UBA6: variants seen among roughly 807,000 people sequenced by gnomAD.
UBA6 encodes ubiquitin-like modifier-activating enzyme 6.
A neutral mutation model predicts 148.3 loss-of-function variants in UBA6; 87 were observed. The ratio of observed to expected loss-of-function variants is 0.59; its 90% CI spans 0.49 to 0.70. UBA6 has a LOEUF of 0.70. UBA6 is among the 30% of genes least tolerant of loss of function. UBA6 has a pLI of 0.00. For synonymous variants in UBA6, 376 were observed against 401.0 expected (o/e 0.94, Z 0.75); for missense variants, 1,186 against 1,241.2 (o/e 0.96, Z 0.67).
intron 2 of UBA6, among the ~76,000 whole-genome samples, chr4:67,683,951 C>A (rs1408776812): frequency 6.6e-6 from 1 of 152,042 alleles, no homozygotes; most frequent in Non-Finnish European, 1.5e-5. Context: ...TGGGTGCCTG[C>A]AGTTAAGTCC....
rs1266292859 is a variant in UBA6 at position 67,639,110 on chromosome 4, G to A, written c.1569C>T (p.Tyr523=). Residue 523 remains tyrosine (Y), a synonymous_variant, in exon 19 of 33, where the codon TAC becomes TAT. Transcript: ENST00000322244. The part of the protein sequence containing the change: ...RPHHIQKPKS[Y]TAADATLKIN... ...TTTTCAGAGTAGCATCAGCAGCAGT[G>A]TAGCTTTTAGGTTTCTAAACAAATA... 1 of 1,611,136 alleles carries A rather than the reference G, an allele frequency of 6.2e-7. No homozygotes were observed. Among genetic ancestry groups the A allele is most frequent in the East Asian group, 2.2e-5 (1 of 44,780 alleles).
In UBA6 at chr4:67,664,927, G is replaced by C. The variant is rs779810305; in HGVS notation, c.897+262C>G. Among the ~76,000 whole-genome samples the C allele has an allele frequency of 3.4e-4, 52 of 151,966 alleles. 1 individual carries two copies. Among genetic ancestry groups the C allele is most frequent in the Admixed American group, 3.0e-3 (45 of 15,250 alleles). ...AATTCACAAAGATACAGTTCCTTTC[G>C]GGTATACCCATTTAGCTCAACTATA... On this transcript the variant is annotated intron_variant, in intron 10 of 32. Coordinates refer to ENST00000322244, the MANE Select transcript of UBA6 (RefSeq NM_018227.6).
intron 14 of UBA6, 69 bp downstream of exon 14, chr4:67,648,999 C>A: frequency 4.0e-6 from 6 of 1,486,030 alleles, no homozygotes; most frequent in Non-Finnish European, 1.8e-6. Context: ...TATATTAATA[C>A]TACATTATAA....
At chr4:67,636,075 A>C (rs973340388) in intron 19 of UBA6, among the ~76,000 whole-genome samples, 18 of 152,140 alleles carry the variant, frequency 1.2e-4, no homozygotes, top group African/African-American at 4.3e-4. Flanking sequence ...CCTAACATTG[A>C]GGAGTCATAT....
In UBA6 at chr4:67,677,664, A is replaced by G. The variant is rs1227646035; in HGVS notation, c.412T>C (p.Ser138Pro). ...ELNPYVHVTS[S>P]SVPFNETTDL... ...GTGGTCTCATTGAAAGGAACAGAAGATGATGTGACATGAACGTATGGATTT... is the reference window on the plus strand; with the variant it reads ...GTGGTCTCATTGAAAGGAACAGAAGGTGATGTGACATGAACGTATGGATTT... The change falls in exon 6 of 33, where the codon TCT becomes CCT. Residue 138 changes from serine (S) to proline (P), a missense_variant. Coordinates refer to ENST00000322244, the MANE Select transcript of UBA6 (RefSeq NM_018227.6). The G allele has an allele frequency of 1.9e-6, 3 of 1,608,310 alleles. No individual in the cohort carries two copies. Among genetic ancestry groups the G allele is most frequent in the Non-Finnish European group, 2.6e-6 (3 of 1,175,778 alleles).
rs1478984859 is a variant in UBA6, at chr4:67,629,023, G to A, written c.2400+48C>T. The A allele has an allele frequency of 3.0e-6, 4 of 1,341,734 alleles. No homozygotes were observed. In the South Asian group the frequency reaches 4.7e-5, roughly 16 times the overall value. The allele number at this position is 1,341,734 out of a possible 1,614,324, so 83.1% of individuals were successfully genotyped here. A position where few individuals can be genotyped will look rare whatever the true frequency, so the allele number is the denominator to read the frequency against. ...AGGTTTAGAATGGGACTTGGTACAA[G>A]TCCAAATTCCCAAACTATTTGCTGA... On this transcript the variant is annotated intron_variant, in intron 27 of 32. Transcript: ENST00000322244.
rs182938311 is a variant in UBA6, at chr4:67,675,058, C to T, written c.466-1281G>A. The stretch of plus-strand genomic sequence containing the variant: ...CTAATTTTTGTATTTTTAGTAGAGA[C>T]GGGGTTTCGCCATGCTGGCCAGGCT... On this transcript the variant is annotated intron_variant, in intron 6 of 32. Transcript: ENST00000322244. Among the ~76,000 whole-genome samples, 1,102 of 152,222 alleles carry T rather than the reference C, an allele frequency of 7.2e-3. 6 individuals carry two copies. The highest frequency in any genetic ancestry group is 0.012 in the Non-Finnish European group (792 of 68,008).
chr4:67,642,575 TTTTA>T (rs1190471706), intron 17 of UBA6, among the ~76,000 whole-genome samples: 1 of 152,114 alleles, frequency 6.6e-6, no homozygotes, highest in Admixed American at 6.5e-5. Context: ...TCTTTCATCA[TTTTA>T]TTTGTCAGCT....
rs757107923 is a variant in UBA6, at chr4:67,634,512, G to T, written c.1849C>A (p.Pro617Thr). ...LTESYNSHRD[P>T]PEEEIPFCTL... ...CAAAATGGTATTTCCTCTTCTGGGG[G>T]ATCCCGCTAATTTATAAAATATGAC... The change falls in exon 21 of 33, where the codon CCC becomes ACC. Residue 617 changes from proline to threonine, a missense_variant. Pro to Thr is a conservative substitution (Grantham distance 38). Coordinates refer to ENST00000322244, the MANE Select transcript of UBA6 (RefSeq NM_018227.6). 1 of 1,559,674 alleles carries T rather than the reference G, an allele frequency of 6.4e-7. No homozygotes were observed. The highest frequency in any genetic ancestry group is 2.3e-5 in the East Asian group (1 of 43,614).
chr4:67,646,594 T>A (rs1404934166), intron 15 of UBA6, 130 bp downstream of exon 15: 7 of 624,120 alleles, frequency 1.1e-5, no homozygotes, highest in African/African-American at 1.9e-5. Flanking sequence ...CTTAAAATGA[T>A]TCCTAAGTAG....
intron 2 of UBA6, among the ~76,000 whole-genome samples, chr4:67,685,931 T>C (rs1044376013): frequency 3.3e-5 from 5 of 152,196 alleles, no homozygotes; most frequent in Non-Finnish European, 5.9e-5. Context: ...GGAAAGGTAC[T>C]AATTAAGTGC....
intron 18 of UBA6, among the ~76,000 whole-genome samples, chr4:67,640,355 T>C (rs1242263026): frequency 6.6e-6 from 1 of 152,242 alleles, no homozygotes; most frequent in Non-Finnish European, 1.5e-5. Context: ...GCAAGGCAAT[T>C]AGATTAACTA....
At chr4:67,686,255 C>T (rs1250980855) in intron 2 of UBA6, among the ~76,000 whole-genome samples, 1 of 152,152 alleles carries the variant, frequency 6.6e-6, no homozygotes, top group Admixed American at 6.5e-5. Flanking sequence ...TGATGTAACA[C>T]CCCTCCAAAC....
intron 14 of UBA6, among the ~76,000 whole-genome samples, chr4:67,648,309 A>C (rs1729469455): frequency 6.6e-6 from 1 of 151,280 alleles, no homozygotes; most frequent in Admixed American, 6.6e-5. Context: ...TCTACTAAAA[A>C]CACAAAAAGT....
In UBA6 at chr4:67,641,169, A is replaced by G; in HGVS notation, c.1536T>C (p.Phe512=). The change falls in exon 18 of 33, where the codon TTT becomes TTC. Residue 512 remains phenylalanine, a synonymous_variant. Coordinates refer to ENST00000322244, the MANE Select transcript of UBA6 (RefSeq NM_018227.6). ...AACATACCTGTATGTGATGAGGACG[A>G]AATAGGAACTGTCTATTTAAGTTGG... ...EKSNLNRQFL[F]RPHHIQKPKS... is the part of the protein sequence containing the mutation. The G allele has an allele frequency of 6.3e-7, 1 of 1,597,984 alleles. No homozygotes were observed.
chr4:67,641,108 T>C, intron 18 of UBA6, 43 bp downstream of exon 18: 1 of 1,219,294 alleles, frequency 8.2e-7, no homozygotes, highest in Non-Finnish European at 1.2e-6. Context: ...AACTCTTTTT[T>C]GTATAATACA....
intron 24 of UBA6, 42 bp downstream of exon 24, chr4:67,631,815 T>C: frequency 6.2e-7 from 1 of 1,609,588 alleles, no homozygotes; most frequent in Non-Finnish European, 8.5e-7. Context: ...ATGTAGCCAG[T>C]AATAAATGTC....
At chr4:67,681,639 C>G (rs369591519) in intron 3 of UBA6, 48 bp from the exon 4 acceptor site, 1 of 1,305,068 alleles carries the variant, frequency 7.7e-7, no homozygotes, top group Non-Finnish European at 1.1e-6. Flanking sequence ...GGAATACACA[C>G]TAGATATGTC....
rs751173000 is a variant in UBA6 at position 67,665,446 on chromosome 4, T to TTA, written c.794-155_794-154insTA. Among the ~76,000 whole-genome samples the TTA allele has an allele frequency of 3.9e-3, 585 of 149,342 alleles. 5 individuals carry two copies. Among genetic ancestry groups the TTA allele is most frequent in the Non-Finnish European group, 7.3e-3 (490 of 67,340 alleles). ...TTGTTTGTTTGTTTTTTTTTTTTTTTAATGAAGAGCTGGGAGGAGTGTGGG... is the reference window on the plus strand; with the variant it reads ...TTGTTTGTTTGTTTTTTTTTTTTTTTTAAATGAAGAGCTGGGAGGAGTGTGGG... On this transcript the variant is annotated intron_variant, in intron 9 of 32. Coordinates refer to ENST00000322244, the MANE Select transcript of UBA6 (RefSeq NM_018227.6).
Sources: gnomAD v4.1 joint callset for allele counts (sites outside exome capture counted in the v4.1 genomes callset) on GRCh38, gnomAD v4.1.1 for gene constraint, MANE v1.5 for transcripts, NCBI Gene and HGNC (gene_info 2026-07-23, HGNC 2026-07-21) for gene names.